The following SNTG2 variants were observed in gnomAD, a reference collection of about 807,000 sequenced individuals.
SNTG2 encodes the protein syntrophin gamma 2.
Under a neutral mutation model 70.9 loss-of-function variants are expected in SNTG2, and 74 were observed. That is an observed-to-expected ratio of 1.04 (90% confidence interval 0.86 to 1.27). The LOEUF (loss-of-function observed/expected upper bound fraction) is 1.27, where lower values mean the gene tolerates loss of function less well. Among genes scored for constraint, SNTG2 ranks in the 50% most tolerant of loss-of-function variants. The probability of loss-of-function intolerance (pLI) is 0.00; values close to 1 mark genes in which losing one functional copy is unlikely to be tolerated. For synonymous variants in SNTG2, 278 were observed against 273.8 expected, an observed-to-expected ratio of 1.02 and a Z score of -0.15; for missense variants, 717 against 690.7, an observed-to-expected ratio of 1.04 and a Z score of -0.43.
intron 9 of SNTG2, among the ~76,000 whole-genome samples, chr2:1,224,197 G>T (rs1313449911): frequency 6.6e-6 from 1 of 152,172 alleles, no homozygotes; most frequent in South Asian, 2.1e-4. Context: ...CGGGGGCTAG[G>T]ATTTCAACAC....
At chr2:1,241,680 G>A (rs888445314) in intron 11 of SNTG2, among the ~76,000 whole-genome samples, 1 of 152,106 alleles carries the variant, frequency 6.6e-6, no homozygotes, top group Admixed American at 6.5e-5. Flanking sequence ...TGAAATAATG[G>A]TTCAGAGAAA....
chr2:1,282,945 A>G (rs969364961), intron 14 of SNTG2, among the ~76,000 whole-genome samples: 4 of 152,222 alleles, frequency 2.6e-5, no homozygotes, highest in Non-Finnish European at 5.9e-5. Flanking sequence ...TTTCTAAATT[A>G]AGATCAAAAA....
intron 4 of SNTG2, among the ~76,000 whole-genome samples, chr2:1,133,294 A>G (rs2148319652): frequency 6.6e-6 from 1 of 152,372 alleles, no homozygotes; most frequent in Non-Finnish European, 1.5e-5. Context: ...AATATTTAAC[A>G]GAAGTGTCTT....
At chr2:1,076,287 T>G (rs1356542788) in intron 1 of SNTG2, among the ~76,000 whole-genome samples, 1 of 152,348 alleles carries the variant, frequency 6.6e-6, no homozygotes, top group African/African-American at 2.4e-5. Flanking sequence ...ATTGGAAGTC[T>G]GTTCCTTCCT....
chr2:1,259,423 G>C lies in SNTG2; in HGVS notation c.1059G>C (p.Val353=), dbSNP rs749043299. 2 of 1,613,906 alleles carry C rather than the reference G, an allele frequency of 1.2e-6. No individual in the cohort carries two copies. The highest frequency in any genetic ancestry group is 1.7e-6 in the Non-Finnish European group (2 of 1,179,800). Residue 353 remains valine (V), a synonymous_variant, in exon 13 of 17, where the codon GTG becomes GTC. Transcript: ENST00000308624. ...RAERTYHLCE[V]LFKVHKFWLT... The stretch of plus-strand genomic sequence containing the variant: ...AAAGGACCTATCACCTCTGTGAGGT[G>C]CTATTTAAAGTTCACAAGGTAGGTA...
intron 16 of SNTG2, among the ~76,000 whole-genome samples, chr2:1,366,388 CT>C (rs987934216): frequency 1.3e-5 from 2 of 152,134 alleles, no homozygotes; most frequent in African/African-American, 4.8e-5. Flanking sequence ...TCTGTGTCAG[CT>C]TTGGGGTTCA....
At chr2:1,209,779 T>G (rs1198481005) in intron 9 of SNTG2, among the ~76,000 whole-genome samples, 1 of 152,250 alleles carries the variant, frequency 6.6e-6, no homozygotes, top group Non-Finnish European at 1.5e-5. Context: ...AATTGTGCTA[T>G]TTAATTACTG....
chr2:1,208,956 A>G (rs1673852448), intron 8 of SNTG2, 147 bp from the exon 9 acceptor site: 2 of 968,044 alleles, frequency 2.1e-6, no homozygotes, highest in African/African-American at 3.4e-5. Flanking sequence ...CTTTCTTTCC[A>G]GATCTTTCAG....
At chr2:1,312,415 A>C (rs1681044818) in intron 15 of SNTG2, among the ~76,000 whole-genome samples, 1 of 152,152 alleles carries the variant, frequency 6.6e-6, no homozygotes, top group African/African-American at 2.4e-5. Flanking sequence ...ATTAATCAGA[A>C]GTGGGAGAGG....
intron 14 of SNTG2, among the ~76,000 whole-genome samples, chr2:1,277,648 C>A (rs1360225796): frequency 1.3e-5 from 2 of 152,184 alleles, no homozygotes; most frequent in Non-Finnish European, 2.9e-5. Context: ...CCAAAGTCAG[C>A]CTGTGAATTT....
At chr2:1,178,025 C>T (rs544627853) in intron 8 of SNTG2, among the ~76,000 whole-genome samples, 1 of 152,032 alleles carries the variant, frequency 6.6e-6, no homozygotes, top group East Asian at 1.9e-4. Context: ...ATAAACACTT[C>T]TGGCATGATA....
At chr2:1,166,988 A>G (rs1670750874) in intron 7 of SNTG2, among the ~76,000 whole-genome samples, 1 of 152,180 alleles carries the variant, frequency 6.6e-6, no homozygotes, top group Non-Finnish European at 1.5e-5. Context: ...GAGAGCTACC[A>G]ACACTCCATA....
At chr2:998,316 A>C (rs1661758968) in intron 1 of SNTG2, among the ~76,000 whole-genome samples, 1 of 152,192 alleles carries the variant, frequency 6.6e-6, no homozygotes, top group South Asian at 2.1e-4. Context: ...AAACATGGAA[A>C]TACAGATAGA....
chr2:1,046,691 T>C (rs1376381254), intron 1 of SNTG2, among the ~76,000 whole-genome samples: 1 of 152,180 alleles, frequency 6.6e-6, no homozygotes, highest in Non-Finnish European at 1.5e-5. Flanking sequence ...GTCTCCAATC[T>C]CTTCTAGGTT....
intron 14 of SNTG2, among the ~76,000 whole-genome samples, chr2:1,303,977 A>C (rs1680570347): frequency 6.6e-6 from 1 of 152,214 alleles, no homozygotes; most frequent in Non-Finnish European, 1.5e-5. Flanking sequence ...AACTTTCAAA[A>C]TGAAATGTTT....
intron 1 of SNTG2, among the ~76,000 whole-genome samples, chr2:1,042,538 G>A (rs1661498737): frequency 6.6e-6 from 1 of 152,070 alleles, no homozygotes. Flanking sequence ...CCACCCTCAA[G>A]TAAGACCCAT....
At chr2:1,148,756 G>A (rs1339114718) in intron 6 of SNTG2, among the ~76,000 whole-genome samples, 4 of 152,172 alleles carry the variant, frequency 2.6e-5, no homozygotes, top group East Asian at 1.9e-4. Context: ...CTTCCAAGCC[G>A]GACCCACATA....
In SNTG2 at chr2:1,230,586, G is replaced by A. The variant is rs554030905; in HGVS notation, c.720-7302G>A. 2.4e-4 allele frequency among the ~76,000 whole-genome samples: 37 copies of A among 152,336 alleles called. No individual in the cohort carries two copies. In the South Asian group the frequency reaches 7.5e-3, roughly 31 times the overall value. On this transcript the variant is annotated intron_variant, in intron 9 of 16. Coordinates refer to ENST00000308624, the MANE Select transcript of SNTG2 (RefSeq NM_018968.4). ...AACCAAGAAGAAGCACTGAGCCCCT[G>A]GATGCTGGTTGTGCATCCCTGGAGT...
At chr2:966,245 G>A (rs1660564413) in intron 1 of SNTG2, among the ~76,000 whole-genome samples, 1 of 152,100 alleles carries the variant, frequency 6.6e-6, no homozygotes, top group Admixed American at 6.5e-5. Context: ...AATGTTTGTT[G>A]TTGCACTTAC....
Sources: gnomAD v4.1 joint callset for allele counts (sites outside exome capture counted in the v4.1 genomes callset) on GRCh38, gnomAD v4.1.1 for gene constraint, MANE v1.5 for transcripts, NCBI Gene and HGNC (gene_info 2026-07-23, HGNC 2026-07-21) for gene names.